Variants in TACR1 observed in about 807,000 individuals in gnomAD.
TACR1 encodes the protein substance-P receptor.
TACR1 carries 25 observed loss-of-function variants against 35.8 expected under a neutral mutation model. That is an observed-to-expected ratio of 0.70 (90% CI 0.51 to 0.98). The LOEUF (loss-of-function observed/expected upper bound fraction) is 0.98. TACR1 is among the 50% of genes least tolerant of loss of function. The probability of loss-of-function intolerance (pLI) is 0.00; values close to 1 mark genes in which losing one functional copy is unlikely to be tolerated. For missense variants in TACR1, 478 were observed against 522.9 expected (o/e 0.91, Z 0.84); for synonymous variants, 195 against 206.7 (o/e 0.94, Z 0.48).
rs989848990 is a variant in TACR1 at position 75,071,058 on chromosome 2, G to C, written c.585-17303C>G. On this transcript the variant is annotated intron_variant, in intron 2 of 4. Coordinates refer to ENST00000305249, the MANE Select transcript of TACR1 (RefSeq NM_001058.4). The stretch of plus-strand genomic sequence containing the variant: ...GTAAATAAAATGTCCTTGGAACACA[G>C]TCATGCCCGTTCACACTAAGTATTG... Among the ~76,000 whole-genome samples, 8 of 152,338 alleles carry C rather than the reference G, an allele frequency of 5.3e-5. No individual in the cohort carries two copies. In the East Asian group the frequency reaches 9.6e-4, roughly 18 times the overall value.
At chr2:75,056,725 T>C (rs1672575657) in intron 2 of TACR1, among the ~76,000 whole-genome samples, 1 of 152,222 alleles carries the variant, frequency 6.6e-6, no homozygotes, top group African/African-American at 2.4e-5. Flanking sequence ...GTAAACATAA[T>C]TTATCAGCCT....
intron 2 of TACR1, among the ~76,000 whole-genome samples, chr2:75,064,350 A>G (rs192254380): frequency 3.7e-4 from 57 of 152,296 alleles, no homozygotes; most frequent in Non-Finnish European, 5.3e-4. Context: ...CTTGAATTCT[A>G]AAGCTTCTGC....
intron 1 of TACR1, among the ~76,000 whole-genome samples, chr2:75,135,899 C>T (rs1034882605): frequency 6.6e-6 from 1 of 152,170 alleles, no homozygotes; most frequent in East Asian, 1.9e-4. Flanking sequence ...TCCCACCTCC[C>T]CTATATTCTC....
At chr2:75,084,905 AT>A (rs1283364772) in intron 2 of TACR1, among the ~76,000 whole-genome samples, 3 of 151,820 alleles carry the variant, frequency 2.0e-5, no homozygotes, top group Non-Finnish European at 4.4e-5. Context: ...TTATTTGAAG[AT>A]TTTTTTATGT....
intron 1 of TACR1, among the ~76,000 whole-genome samples, chr2:75,127,764 C>T (rs1674101917): frequency 2.6e-5 from 4 of 152,300 alleles, no homozygotes; most frequent in African/African-American, 9.6e-5. Context: ...GAGGTGATTC[C>T]AGACCCTGGG....
chr2:75,069,555 A>G (rs1672834352), intron 2 of TACR1, among the ~76,000 whole-genome samples: 1 of 138,958 alleles, frequency 7.2e-6, no homozygotes, highest in South Asian at 2.3e-4. Context: ...CTTTACTGAG[A>G]TATCCTTAGT....
chr2:75,072,461 G>A lies in TACR1; in HGVS notation c.585-18706C>T, dbSNP rs75387637. On this transcript the variant is annotated intron_variant, in intron 2 of 4. Transcript: ENST00000305249. Reference sequence around the variant, plus strand: ...GAAGAAAATATAAGGAAAATATAGGGCAGAAAAGTTGAGGTTGGGGATCGT... The same window carrying A: ...GAAGAAAATATAAGGAAAATATAGGACAGAAAAGTTGAGGTTGGGGATCGT... Among the ~76,000 whole-genome samples, 270 of 152,304 alleles carry A rather than the reference G, an allele frequency of 1.8e-3. 1 individual carries two copies. The highest frequency in any genetic ancestry group is 6.2e-3 in the African/African-American group (256 of 41,564).
chr2:75,072,484 C>T (rs900924718), intron 2 of TACR1, among the ~76,000 whole-genome samples: 3 of 152,184 alleles, frequency 2.0e-5, no homozygotes, highest in Non-Finnish European at 2.9e-5. Context: ...GGTTGGGGAT[C>T]GTCCATGAGA....
intron 2 of TACR1, among the ~76,000 whole-genome samples, chr2:75,081,422 C>G (rs1366842583): frequency 6.6e-6 from 1 of 152,162 alleles, no homozygotes; most frequent in Non-Finnish European, 1.5e-5. Context: ...ACAGGGGATG[C>G]TGAAATTCCC....
chr2:75,091,100 C>T (rs1039455119), intron 2 of TACR1, among the ~76,000 whole-genome samples: 2 of 150,926 alleles, frequency 1.3e-5, no homozygotes, highest in African/African-American at 4.9e-5. Context: ...TCAATTCTAC[C>T]TCCTTCTGAT....
intron 3 of TACR1, 42 bp from the exon 4 acceptor site, chr2:75,051,489 C>T (rs1300452882): frequency 1.2e-6 from 2 of 1,608,740 alleles, no homozygotes; most frequent in African/African-American, 1.3e-5. Flanking sequence ...AGCACATCCC[C>T]CTCTCTCACG....
At chr2:75,083,224 T>G (rs1441165752) in intron 2 of TACR1, among the ~76,000 whole-genome samples, 2 of 152,232 alleles carry the variant, frequency 1.3e-5, no homozygotes, top group Non-Finnish European at 2.9e-5. Context: ...TTGTCAAAGA[T>G]CAGATGGTTG....
intron 2 of TACR1, among the ~76,000 whole-genome samples, chr2:75,073,797 A>G (rs1672926113): frequency 6.6e-6 from 1 of 151,500 alleles, no homozygotes; most frequent in African/African-American, 2.5e-5. Flanking sequence ...TCTCCTTCCT[A>G]TAGCCTCACA....
intron 1 of TACR1, among the ~76,000 whole-genome samples, chr2:75,152,681 A>G (rs548853779): frequency 2.1e-4 from 32 of 152,352 alleles, no homozygotes; most frequent in African/African-American, 7.5e-4. Flanking sequence ...GGTACATAGT[A>G]GATGCTCAAT....
intron 1 of TACR1, among the ~76,000 whole-genome samples, chr2:75,144,942 A>C (rs147939320): frequency 8.5e-4 from 130 of 152,266 alleles, no homozygotes; most frequent in Middle Eastern, 3.4e-3. Context: ...AATATAAGAG[A>C]TATGAGGGGT....
In TACR1 at chr2:75,047,319, A is replaced by G. The variant is rs142137038; in HGVS notation, c.*2113T>C. On this transcript the variant is annotated 3_prime_UTR_variant, in exon 5 of 5. Transcript: ENST00000305249. The stretch of plus-strand genomic sequence containing the variant: ...TTCTGTGGAGAATCTGTCCTCTCAG[A>G]TGCCTCCAAGACTGCTGGGCAGCTT... 1 of 152,238 alleles carries G rather than the reference A, an allele frequency of 6.6e-6. No individual in the cohort carries two copies. The highest frequency in any genetic ancestry group is 1.5e-5 in the Non-Finnish European group (1 of 68,078). The allele number at this position is 152,238 out of a possible 1,614,324, so 9.4% of individuals were successfully genotyped here.
intron 4 of TACR1, chr2:75,051,043 G>GA: frequency 4.8e-6 from 3 of 626,488 alleles, no homozygotes; most frequent in Admixed American, 3.0e-5. Flanking sequence ...CTTTGGAAAA[G>GA]AAAAAAAGAA....
At chr2:75,061,984 C>A (rs1191741465) in intron 2 of TACR1, among the ~76,000 whole-genome samples, 1 of 152,212 alleles carries the variant, frequency 6.6e-6, no homozygotes, top group African/African-American at 2.4e-5. Flanking sequence ...TCCTTCTAGG[C>A]AGAGCCCATG....
chr2:75,063,756 C>T (rs555947835), intron 2 of TACR1, among the ~76,000 whole-genome samples: 1 of 152,346 alleles, frequency 6.6e-6, no homozygotes, highest in East Asian at 1.9e-4. Context: ...GGGATAGAAA[C>T]CGACCTGGAT....
Sources: gnomAD v4.1 joint callset for allele counts (sites outside exome capture counted in the v4.1 genomes callset) on GRCh38, gnomAD v4.1.1 for gene constraint, MANE v1.5 for transcripts, NCBI Gene and HGNC (gene_info 2026-07-23, HGNC 2026-07-21) for gene names.